Variants in NRP1 observed in about 807,000 individuals in gnomAD.
NRP1 encodes neuropilin-1.
NRP1 carries 35 observed loss-of-function variants against 106.7 expected under a neutral mutation model. The ratio of observed to expected loss-of-function variants is 0.33; its 90% CI spans 0.25 to 0.43. The LOEUF is 0.43. Ranked by LOEUF, NRP1 falls within the 20% of genes least tolerant of loss-of-function variation. The probability of loss-of-function intolerance (pLI) is 1.00; values close to 1 mark genes in which losing one functional copy is unlikely to be tolerated. For synonymous variants in NRP1, 437 were observed against 417.9 expected, an observed-to-expected ratio of 1.05 and a Z score of -0.56; for missense variants, 1,024 against 1,170.4, an observed-to-expected ratio of 0.87 and a Z score of 1.83.
At chr10:33,267,111 T>C (rs930510935) in intron 3 of NRP1, among the ~76,000 whole-genome samples, 2 of 152,168 alleles carry the variant, frequency 1.3e-5, no homozygotes, top group Non-Finnish European at 2.9e-5. Flanking sequence ...CATTGTGACA[T>C]GTGCTTCCCC....
At chr10:33,321,632 T>A (rs1301185320) in intron 2 of NRP1, among the ~76,000 whole-genome samples, 1 of 152,202 alleles carries the variant, frequency 6.6e-6, no homozygotes, top group East Asian at 1.9e-4. Context: ...TTTGACCCCG[T>A]CTTAATTCTT....
intron 2 of NRP1, among the ~76,000 whole-genome samples, chr10:33,285,838 C>CAA (rs1844487892): frequency 6.6e-6 from 1 of 151,190 alleles, no homozygotes; most frequent in South Asian, 2.1e-4. Flanking sequence ...ATCTCAAAAA[C>CAA]AAAACAAAAC....
rs76031164 is a variant in NRP1, at chr10:33,187,525, G to A, written c.2063-1037C>T. Among the ~76,000 whole-genome samples the A allele has an allele frequency of 1.4e-3, 207 of 152,212 alleles. 1 individual carries two copies. Among genetic ancestry groups the A allele is most frequent in the African/African-American group, 4.9e-3 (202 of 41,526 alleles). ...AGGAGAGGCAAGGTTGCCTTGTTGA[G>A]GTTCATTAGAACGTGCCATTTTGGC... On this transcript the variant is annotated intron_variant, in intron 13 of 16. Coordinates refer to ENST00000374867, the MANE Select transcript of NRP1 (RefSeq NM_003873.7).
At chr10:33,304,841 G>C (rs909554917) in intron 2 of NRP1, among the ~76,000 whole-genome samples, 1 of 152,240 alleles carries the variant, frequency 6.6e-6, no homozygotes, top group Non-Finnish European at 1.5e-5. Flanking sequence ...TGCTTTTCGA[G>C]GCAGTCTGTC....
intron 2 of NRP1, among the ~76,000 whole-genome samples, chr10:33,321,886 C>T (rs1847536806): frequency 1.3e-5 from 2 of 152,324 alleles, no homozygotes; most frequent in East Asian, 3.9e-4. Flanking sequence ...CAGGCCATCA[C>T]CTCCAACCTG....
chr10:33,243,038 A>G (rs1472678149), intron 6 of NRP1, among the ~76,000 whole-genome samples: 1 of 152,120 alleles, frequency 6.6e-6, no homozygotes, highest in Non-Finnish European at 1.5e-5. Flanking sequence ...CCTTACAGAT[A>G]TTTCCTTCAA....
chr10:33,185,025 T>C (rs1004111353), intron 15 of NRP1, among the ~76,000 whole-genome samples: 1 of 152,232 alleles, frequency 6.6e-6, no homozygotes, highest in Admixed American at 6.5e-5. Context: ...CTAGGGAATA[T>C]GAATTGGTTT....
At chr10:33,181,139 G>A (rs1835659420) in intron 16 of NRP1, among the ~76,000 whole-genome samples, 1 of 152,160 alleles carries the variant, frequency 6.6e-6, no homozygotes, top group Admixed American at 6.5e-5. Context: ...TGTTAACATG[G>A]GAGCTTTGAG....
chr10:33,297,000 A>C (rs1845434231), intron 2 of NRP1, among the ~76,000 whole-genome samples: 1 of 152,182 alleles, frequency 6.6e-6, no homozygotes, highest in Admixed American at 6.5e-5. Flanking sequence ...AAAGAAAAAA[A>C]AAAGAATAAA....
At chr10:33,322,714 T>C (rs1564489272) in intron 2 of NRP1, among the ~76,000 whole-genome samples, 1 of 152,238 alleles carries the variant, frequency 6.6e-6, no homozygotes, top group Non-Finnish European at 1.5e-5. Context: ...CACCAATTGG[T>C]TGAAAGTTTC....
chr10:33,188,664 G>T (rs1419695403), intron 13 of NRP1, among the ~76,000 whole-genome samples: 1 of 151,828 alleles, frequency 6.6e-6, no homozygotes, highest in African/African-American at 2.4e-5. Flanking sequence ...ATCACCTGAG[G>T]TCAGGAGTCC....
chr10:33,219,218 T>C (rs1233379374), intron 8 of NRP1, among the ~76,000 whole-genome samples: 1 of 152,182 alleles, frequency 6.6e-6, no homozygotes, highest in Non-Finnish European at 1.5e-5. Flanking sequence ...TTTCCTCTCA[T>C]TGACTCCTCA....
chr10:33,201,077 C>T (rs1163969954), intron 11 of NRP1: 1 of 152,054 alleles, frequency 6.6e-6, no homozygotes, highest in African/African-American at 2.4e-5. Context: ...CTTCTATCTA[C>T]CAAAGAAATA....
intron 2 of NRP1, among the ~76,000 whole-genome samples, chr10:33,291,949 G>T (rs542051829): frequency 6.6e-6 from 1 of 152,294 alleles, no homozygotes; most frequent in Non-Finnish European, 1.5e-5. Flanking sequence ...TGTCACCCAG[G>T]CTGGAGTGCA....
At chr10:33,308,829 A>ATCCC (rs1400803112) in intron 2 of NRP1, among the ~76,000 whole-genome samples, 19 of 152,278 alleles carry the variant, frequency 1.2e-4, no homozygotes, top group African/African-American at 4.6e-4. Context: ...ATGCAAAGAA[A>ATCCC]ATAAGCAGAA....
At chr10:33,266,428 C>G (rs1031507473) in intron 3 of NRP1, among the ~76,000 whole-genome samples, 1 of 152,204 alleles carries the variant, frequency 6.6e-6, no homozygotes, top group Admixed American at 6.5e-5. Context: ...CTGCGCATGA[C>G]AAATGTGAGT....
At chr10:33,272,770 G>T (rs765650404) in intron 2 of NRP1, among the ~76,000 whole-genome samples, 3 of 151,994 alleles carry the variant, frequency 2.0e-5, no homozygotes, top group Non-Finnish European at 4.4e-5. Flanking sequence ...ACTGTGTTTG[G>T]CCTGGCGACG....
chr10:33,314,935 C>T (rs1181838785), intron 2 of NRP1, among the ~76,000 whole-genome samples: 1 of 152,148 alleles, frequency 6.6e-6, no homozygotes, highest in Non-Finnish European at 1.5e-5. Context: ...CTGGGGTTGC[C>T]AGCTGGAACG....
chr10:33,325,776 T>G (rs1847842940), intron 2 of NRP1, among the ~76,000 whole-genome samples: 1 of 152,226 alleles, frequency 6.6e-6, no homozygotes, highest in African/African-American at 2.4e-5. Context: ...GTTACAAGTA[T>G]GCGATCTTCC....
Sources: allele counts gnomAD v4.1 joint callset (sites outside exome capture counted in the v4.1 genomes callset), GRCh38; gene constraint gnomAD v4.1.1; transcripts MANE v1.5; gene names NCBI Gene and HGNC (gene_info 2026-07-23, HGNC 2026-07-21).